KIRREL3: variants seen among roughly 807,000 people sequenced by gnomAD.
KIRREL3 encodes kirre like nephrin family adhesion molecule 3.
A neutral mutation model predicts 89.7 loss-of-function variants in KIRREL3; 36 were observed. The ratio of observed to expected loss-of-function variants is 0.40; its 90% confidence interval spans 0.31 to 0.53. The LOEUF is 0.53. KIRREL3 is among the 20% of genes least tolerant of loss of function. The pLI is 0.49. For synonymous variants in KIRREL3, 445 were observed against 441.4 expected, an observed-to-expected ratio of 1.01 and a Z score of -0.10; for missense variants, 864 against 1,056.6, an observed-to-expected ratio of 0.82 and a Z score of 2.53.
intron 1 of KIRREL3, among the ~76,000 whole-genome samples, chr11:126,650,618 T>C (rs1358048479): frequency 1.3e-5 from 2 of 152,200 alleles, no homozygotes; most frequent in African/African-American, 4.8e-5. Context: ...TGAGACAACC[T>C]CAGCCTGGAC....
rs56704715 is a variant in KIRREL3, at chr11:126,521,902, G to A, written c.284-438C>T. Reference sequence around the variant, plus strand: ...TGGGACTACAGACATGCACCACCACGTCGGCTAATTTTTTTATCTTTTGTA... The same window carrying A: ...TGGGACTACAGACATGCACCACCACATCGGCTAATTTTTTTATCTTTTGTA... On this transcript the variant is annotated intron_variant, in intron 3 of 16. Coordinates refer to ENST00000525144, the MANE Select transcript of KIRREL3 (RefSeq NM_032531.4). This position sits in a 1 kb window ranked among gnomAD's most constrained non-coding sequence, Gnocchi z 4.1. Among the ~76,000 whole-genome samples the A allele has an allele frequency of 0.19, 29,266 of 151,892 alleles. 3,057 individuals are homozygous for A. The highest frequency in any genetic ancestry group is 0.21 in the African/African-American group (8,754 of 41,384).
At chr11:126,968,556 A>G (rs1949343365) in intron 1 of KIRREL3, among the ~76,000 whole-genome samples, 2 of 152,212 alleles carry the variant, frequency 1.3e-5, no homozygotes. Context: ...TTGTAAAAGC[A>G]GATTACAGAT....
At chr11:126,695,695 C>T (rs1272004263) in intron 1 of KIRREL3, among the ~76,000 whole-genome samples, 2 of 152,116 alleles carry the variant, frequency 1.3e-5, no homozygotes, top group East Asian at 1.9e-4. Flanking sequence ...TGTGAGCTTT[C>T]GTGTCTTGGG....
intron 16 of KIRREL3, among the ~76,000 whole-genome samples, chr11:126,425,260 C>T (rs1376450554): frequency 2.6e-5 from 4 of 152,220 alleles, no homozygotes; most frequent in Non-Finnish European, 5.9e-5. Context: ...AGGGGAGGGA[C>T]GGCAAGGGTG....
At chr11:126,725,738 A>C (rs6590226) in intron 1 of KIRREL3, among the ~76,000 whole-genome samples, 133,025 of 152,120 alleles carry the variant, frequency 0.87, 58,325 homozygotes, top group East Asian at 0.99. Flanking sequence ...GGGCTGGTGG[A>C]GCTCTGTGGC....
chr11:126,748,329 G>T lies in KIRREL3; in HGVS notation c.56-185417C>A, dbSNP rs139718718. 5.0e-4 allele frequency among the ~76,000 whole-genome samples: 76 copies of T among 152,286 alleles called. No individual in the cohort carries two copies. Among genetic ancestry groups the T allele is most frequent in the Non-Finnish European group, 9.1e-4 (62 of 68,010 alleles). On this transcript the variant is annotated intron_variant, in intron 1 of 16. Transcript: ENST00000525144. The surrounding 1 kb of genome is among the most constrained non-coding windows in gnomAD (Gnocchi z 4.6). Reference sequence around the variant, plus strand: ...CCAGGAAACTGTGACAGCAATAAAAGAACTAAATGTTTTCTAGGTCACCGC... The same window carrying T: ...CCAGGAAACTGTGACAGCAATAAAATAACTAAATGTTTTCTAGGTCACCGC...
At chr11:126,660,081 C>T (rs958404620) in intron 1 of KIRREL3, among the ~76,000 whole-genome samples, 8 of 152,114 alleles carry the variant, frequency 5.3e-5, no homozygotes, top group Non-Finnish European at 8.8e-5. Flanking sequence ...CTCCAATAGC[C>T]CTGCTAGGAT....
chr11:126,908,011 C>A lies in KIRREL3; in HGVS notation c.55+92444G>T, dbSNP rs1249709022. ...TTTCTTGACCACCTGTGATGTCACACCGCCACCCAAAAGACACCCCCCAAA... is the reference window on the plus strand; with the variant it reads ...TTTCTTGACCACCTGTGATGTCACAACGCCACCCAAAAGACACCCCCCAAA... On this transcript the variant is annotated intron_variant, in intron 1 of 16. Transcript: ENST00000525144. The surrounding 1 kb of genome is among the most constrained non-coding windows in gnomAD (Gnocchi z 4.2). Among the ~76,000 whole-genome samples the A allele has an allele frequency of 1.3e-5, 2 of 152,260 alleles. No homozygotes were observed. The highest frequency in any genetic ancestry group is 6.5e-5 in the Admixed American group (1 of 15,294).
chr11:126,549,965 T>A (rs1414672938), intron 2 of KIRREL3: 2 of 152,280 alleles, frequency 1.3e-5, no homozygotes, highest in Non-Finnish European at 2.9e-5. Context: ...GAAGCCATGC[T>A]GGACACTCCT....
chr11:126,838,157 A>G (rs1943842668), intron 1 of KIRREL3, among the ~76,000 whole-genome samples: 1 of 152,242 alleles, frequency 6.6e-6, no homozygotes, highest in African/African-American at 2.4e-5. Flanking sequence ...TTAATATAAT[A>G]GAGGTTTCTA....
intron 1 of KIRREL3, among the ~76,000 whole-genome samples, chr11:126,968,979 G>C (rs1397114026): frequency 6.6e-6 from 1 of 152,194 alleles, no homozygotes; most frequent in Admixed American, 6.5e-5. Flanking sequence ...CAGGTTAGGA[G>C]TGGTTACATT....
At chr11:126,956,037 T>A (rs1565455495) in intron 1 of KIRREL3, among the ~76,000 whole-genome samples, 1 of 152,166 alleles carries the variant, frequency 6.6e-6, no homozygotes, top group African/African-American at 2.4e-5. Flanking sequence ...CTCAGGGTTG[T>A]TTTCTGTCAT....
In KIRREL3 at chr11:126,766,880, A is replaced by T. The variant is rs1376204550; in HGVS notation, c.56-203968T>A. Among the ~76,000 whole-genome samples, 2 of 152,228 alleles carry T rather than the reference A, an allele frequency of 1.3e-5. No homozygotes were observed. The highest frequency in any genetic ancestry group is 2.4e-5 in the African/African-American group (1 of 41,462). On this transcript the variant is annotated intron_variant, in intron 1 of 16. Coordinates refer to ENST00000525144, the MANE Select transcript of KIRREL3 (RefSeq NM_032531.4). This position sits in a 1 kb window ranked among gnomAD's most constrained non-coding sequence, Gnocchi z 4.2. ...AGAGAAAGAGATTGCTCTGTCTTGC[A>T]TAGGGGCAAAGTGAGGCACAGAGGG...
At chr11:126,901,832 A>G (rs1950179143) in intron 1 of KIRREL3, among the ~76,000 whole-genome samples, 2 of 152,218 alleles carry the variant, frequency 1.3e-5, no homozygotes, top group Non-Finnish European at 1.5e-5. Context: ...AAAATCCTTC[A>G]AAAACTGGTT....
intron 5 of KIRREL3, among the ~76,000 whole-genome samples, chr11:126,473,056 T>G (rs58374192): frequency 0.011 from 21 of 1,840 alleles, no homozygotes; most frequent in Non-Finnish European, 0.023. Context: ...CCAGCCCCTC[T>G]CCCCAGCCCC....
chr11:126,988,856 C>T (rs558773890), intron 1 of KIRREL3, among the ~76,000 whole-genome samples: 3 of 152,282 alleles, frequency 2.0e-5, no homozygotes, highest in East Asian at 3.9e-4. Flanking sequence ...CACAAGGCTT[C>T]GGGGGTAGAG....
In KIRREL3 at chr11:126,977,893, G is replaced by A. The variant is rs1400592446; in HGVS notation, c.55+22562C>T. 6.6e-6 allele frequency among the ~76,000 whole-genome samples: 1 copy of A among 152,186 alleles called. No individual in the cohort carries two copies. The highest frequency in any genetic ancestry group is 1.5e-5 in the Non-Finnish European group (1 of 68,028). ...ATGGTTGATATTTTGGATCAGGAAAGAGCATCAATTTCCTGTGTACCACAC... is the reference window on the plus strand; with the variant it reads ...ATGGTTGATATTTTGGATCAGGAAAAAGCATCAATTTCCTGTGTACCACAC... On this transcript the variant is annotated intron_variant, in intron 1 of 16. Coordinates refer to ENST00000525144, the MANE Select transcript of KIRREL3 (RefSeq NM_032531.4). This position sits in a 1 kb window ranked among gnomAD's most constrained non-coding sequence, Gnocchi z 4.7.
At chr11:126,514,859 C>T (rs752570484) in intron 4 of KIRREL3, among the ~76,000 whole-genome samples, 1 of 98,520 alleles carries the variant, frequency 1.0e-5, no homozygotes, top group African/African-American at 5.0e-5. Flanking sequence ...CAACACAACA[C>T]AACACAACAA....
Position 127,000,378 on chromosome 11 carries a change from A to G in KIRREL3, c.55+77T>C. 4 of 1,279,158 alleles carry G rather than the reference A, an allele frequency of 3.1e-6. No individual in the cohort carries two copies. The highest frequency in any genetic ancestry group is 4.4e-6 in the Non-Finnish European group (4 of 913,598). The allele number at this position is 1,279,158 out of a possible 1,614,324, so 79.2% of individuals were successfully genotyped here. A position where few individuals can be genotyped will look rare whatever the true frequency, so the allele number is the denominator to read the frequency against. On this transcript the variant is annotated intron_variant, in intron 1 of 16. Coordinates refer to ENST00000525144, the MANE Select transcript of KIRREL3 (RefSeq NM_032531.4). The surrounding 1 kb of genome is among the most constrained non-coding windows in gnomAD (Gnocchi z 7.1). The stretch of plus-strand genomic sequence containing the variant: ...CAGTCCGAGTTCCCGAAGCCTGCCC[A>G]CGTTCCTGCCCACAGCCTCCCGCGC...
Sources: gnomAD v4.1 joint callset for allele counts (sites outside exome capture counted in the v4.1 genomes callset) on GRCh38, gnomAD v4.1.1 for gene constraint, Gnocchi (gnomAD v3.1) non-coding constraint, MANE v1.5 for transcripts, NCBI Gene and HGNC (gene_info 2026-07-23, HGNC 2026-07-21) for gene names.